The following PCDHA4 variants were observed in gnomAD, a reference collection of about 807,000 sequenced individuals.
PCDHA4 encodes the protein protocadherin alpha-4.
Under a neutral mutation model 61.4 loss-of-function variants are expected in PCDHA4, and 49 were observed. The ratio of observed to expected loss-of-function variants is 0.80; its 90% CI spans 0.63 to 1.01. The LOEUF (loss-of-function observed/expected upper bound fraction) is 1.01, where lower values mean the gene tolerates loss of function less well. Ranked by LOEUF, PCDHA4 falls within the 50% of genes least tolerant of loss-of-function variation. The probability of loss-of-function intolerance (pLI) is 0.00; values close to 1 mark genes in which losing one functional copy is unlikely to be tolerated. For synonymous variants in PCDHA4, 590 were observed against 550.3 expected (o/e 1.07, Z -1.01); for missense variants, 1,254 against 1,235.8 (o/e 1.01, Z -0.22).
chr5:140,941,175 C>T (rs1344326389), intron 1 of PCDHA4, among the ~76,000 whole-genome samples: 1 of 145,416 alleles, frequency 6.9e-6, no homozygotes, highest in Admixed American at 6.8e-5. Context: ...CCATCTTGAA[C>T]ATCCTGCTTC....
chr5:140,809,596 T>G, intron 1 of PCDHA4, 24 bp downstream of exon 1: 2 of 1,533,028 alleles, frequency 1.3e-6, no homozygotes, highest in Non-Finnish European at 8.8e-7. Context: ...ATCCTTTTGT[T>G]TAATTTTCGT....
chr5:140,850,398 C>T, intron 1 of PCDHA4: 2 of 1,597,936 alleles, frequency 1.3e-6, no homozygotes, highest in Non-Finnish European at 1.7e-6. Flanking sequence ...CAGCACAACG[C>T]GTGCCCTGGA....
rs1210626259 is a variant in PCDHA4 at position 140,824,001 on chromosome 5, C to T, written c.2385+14429C>T. 3 of 1,613,960 alleles carry T rather than the reference C, an allele frequency of 1.9e-6. No homozygotes were observed. The African/African-American group carries it at 4.0e-5, about 22-fold the overall frequency. On this transcript the variant is annotated intron_variant, in intron 1 of 3. Coordinates refer to ENST00000530339, the MANE Select transcript of PCDHA4 (RefSeq NM_018907.4). ...GCAAGCCCACTCTGTTGTGCTCCAGCGCGGTGGGGAGCTGGTCGTACTCGC... is the reference window on the plus strand; with the variant it reads ...GCAAGCCCACTCTGTTGTGCTCCAGTGCGGTGGGGAGCTGGTCGTACTCGC...
Position 141,010,446 on chromosome 5 carries a change from C to A in PCDHA4, c.*509C>A. On this transcript the variant is annotated 3_prime_UTR_variant, in exon 4 of 4. Coordinates refer to ENST00000530339, the MANE Select transcript of PCDHA4 (RefSeq NM_018907.4). ...AGGCAAGAAAACAAAGACAAATAAA[C>A]AGCGGAAGTTATCAGTATGGAGGGG... 1 of 944,706 alleles carries A rather than the reference C, an allele frequency of 1.1e-6. No homozygotes were observed. The highest frequency in any genetic ancestry group is 1.7e-5 in the African/African-American group (1 of 60,424). The allele number at this position is 944,706 out of a possible 1,614,324, so 58.5% of individuals were successfully genotyped here.
At chr5:140,976,740 A>C (rs1425716353) in intron 1 of PCDHA4, among the ~76,000 whole-genome samples, 7 of 152,192 alleles carry the variant, frequency 4.6e-5, no homozygotes, top group African/African-American at 1.7e-4. Flanking sequence ...CACATTTTAA[A>C]AACCTCCCAG....
intron 1 of PCDHA4, among the ~76,000 whole-genome samples, chr5:140,912,282 C>A (rs1211433751): frequency 6.6e-6 from 1 of 151,982 alleles, no homozygotes; most frequent in African/African-American, 2.4e-5. Flanking sequence ...TACCCAGGAA[C>A]AATACTTTGC....
intron 1 of PCDHA4, chr5:140,877,802 A>C: frequency 6.2e-7 from 1 of 1,613,434 alleles, no homozygotes; most frequent in Non-Finnish European, 8.5e-7. Flanking sequence ...CCAAGCCTTC[A>C]GCTGTCTCGA....
intron 1 of PCDHA4, chr5:140,856,539 A>G (rs782181557): frequency 1.3e-6 from 2 of 1,598,342 alleles, no homozygotes; most frequent in South Asian, 2.2e-5. Context: ...GTTGGAGAGA[A>G]CGCATTGCTT....
chr5:140,978,978 C>T lies in PCDHA4; in HGVS notation c.2415C>T (p.Tyr805=). Residue 805 remains tyrosine (Y), a synonymous_variant, in exon 2 of 4, where the codon TAC becomes TAT. Coordinates refer to ENST00000530339, the MANE Select transcript of PCDHA4 (RefSeq NM_018907.4). ...KPRQPNPDWR[Y]SASLRAGMHS... ...GACAGCCCAACCCTGACTGGCGTTA[C>T]TCTGCCTCCCTGAGAGCAGGCATGC... 1 of 1,614,204 alleles carries T rather than the reference C, an allele frequency of 6.2e-7. No homozygotes were observed. The highest frequency in any genetic ancestry group is 8.5e-7 in the Non-Finnish European group (1 of 1,180,030).
At chr5:140,882,400 C>T (rs782194379) in intron 1 of PCDHA4, 10 of 1,614,172 alleles carry the variant, frequency 6.2e-6, no homozygotes, top group Admixed American at 3.3e-5. Context: ...ACGGCACCTT[C>T]GTGGGCCGCA....
chr5:140,984,392 G>C (rs914978799), intron 3 of PCDHA4, among the ~76,000 whole-genome samples: 1 of 152,156 alleles, frequency 6.6e-6, no homozygotes, highest in South Asian at 2.1e-4. Context: ...TTCAAAAAAT[G>C]TTGAGAACCT....
chr5:140,995,788 T>C (rs1327222255), intron 3 of PCDHA4, among the ~76,000 whole-genome samples: 1 of 152,154 alleles, frequency 6.6e-6, no homozygotes, highest in Non-Finnish European at 1.5e-5. Context: ...GGTTTAAAAT[T>C]TGTCTCATGT....
chr5:140,884,308 G>T, intron 1 of PCDHA4: 1 of 1,613,766 alleles, frequency 6.2e-7, no homozygotes. Flanking sequence ...AGGCTTCGTC[G>T]AGGGCGTCGG....
At chr5:140,842,144 G>A (rs2150330322) in intron 1 of PCDHA4, 1 of 1,613,850 alleles carries the variant, frequency 6.2e-7, no homozygotes, top group African/African-American at 1.3e-5. Flanking sequence ...AGGAGCCAAT[G>A]GGGCAATTTC....
chr5:140,821,251 C>G (rs1766928328), intron 1 of PCDHA4, among the ~76,000 whole-genome samples: 1 of 152,094 alleles, frequency 6.6e-6, no homozygotes, highest in Admixed American at 6.5e-5. Flanking sequence ...AACTTTAACT[C>G]TTAAAAGTTA....
chr5:140,999,603 G>C (rs552647484), intron 3 of PCDHA4, among the ~76,000 whole-genome samples: 1 of 152,246 alleles, frequency 6.6e-6, no homozygotes, highest in South Asian at 2.1e-4. Flanking sequence ...TACATCCTGG[G>C]GGACCTTATC....
intron 1 of PCDHA4, chr5:140,843,909 G>T: frequency 8.0e-6 from 5 of 623,976 alleles, no homozygotes; most frequent in Non-Finnish European, 1.4e-5. Context: ...CCACAAGTTG[G>T]GTCTATCTTG....
rs2150109820 is a variant in PCDHA4 at position 140,821,551 on chromosome 5, A to G, written c.2385+11979A>G. ...ATAAAACACTTACCCTTTCATCCAC[A>G]TGATGTCGCTGGACACCGGAAGGTT... is the stretch of plus-strand genomic sequence containing the variant. On this transcript the variant is annotated intron_variant, in intron 1 of 3. Transcript: ENST00000530339. 1.7e-4 allele frequency: 85 copies of G among 506,706 alleles called. 1 individual carries two copies. The South Asian group carries it at 3.0e-3, about 18-fold the overall frequency. 31.4% of individuals were successfully genotyped at this position (506,706 alleles called of 1,614,324 possible).
At chr5:140,877,947 G>A (rs1266600808) in intron 1 of PCDHA4, 2 of 1,351,230 alleles carry the variant, frequency 1.5e-6, no homozygotes, top group African/African-American at 1.5e-5. Context: ...TTAAACTATC[G>A]AATGTCTCAT....
Sources: gnomAD v4.1 joint callset for allele counts (sites outside exome capture counted in the v4.1 genomes callset) on GRCh38, gnomAD v4.1.1 for gene constraint, MANE v1.5 for transcripts, NCBI Gene and HGNC (gene_info 2026-07-23, HGNC 2026-07-21) for gene names.